The following DNAH11 variants were observed in gnomAD, a reference collection of about 807,000 sequenced individuals.
DNAH11 encodes dynein axonemal heavy chain 11.
DNAH11 carries 442 observed loss-of-function variants against 526.0 expected under a neutral mutation model. That is an observed-to-expected ratio of 0.84 (90% CI 0.78 to 0.91). DNAH11 has a LOEUF of 0.91. DNAH11 is among the 40% of genes least tolerant of loss of function. DNAH11 has a pLI of 0.00. For missense variants in DNAH11, 6,989 were observed against 5,448.7 expected (o/e 1.28, Z -8.90); for synonymous variants, 2,461 against 1,935.9 (o/e 1.27, Z -7.12).
At position 21,786,665 on chromosome 7, in the gene DNAH11, C is replaced by G. The variant is rs368831125; in HGVS notation, c.9639C>G (p.Ile3213Met). Residue 3213 changes from isoleucine (I) to methionine (M), a missense_variant, in exon 59 of 82, where the codon ATC (isoleucine) becomes ATG (methionine). Physicochemically the swap from Ile to Met is conservative, Grantham distance 10. Transcript: ENST00000409508. ...SELKAFPNPP[I>M]AVTNVTAAVM... ...TGAAAGCCTTTCCCAACCCTCCCAT[C>G]GCAGTTACCAATGTTACTGCAGCCG... 2 of 1,613,398 alleles carry G rather than the reference C, an allele frequency of 1.2e-6. No homozygotes were observed. Among genetic ancestry groups the G allele is most frequent in the South Asian group, 2.2e-5 (2 of 90,976 alleles).
rs762424155 is a variant in DNAH11, at chr7:21,789,337, C to G, written c.10021C>G (p.Leu3341Val). 1 of 1,564,332 alleles carries G rather than the reference C, an allele frequency of 6.4e-7. No homozygotes were observed. Among genetic ancestry groups the G allele is most frequent in the South Asian group, 1.2e-5 (1 of 84,416 alleles). ...TEKLEAIRKK[L>V]VDLDRNLSRL... Reference sequence around the variant, plus strand: ...AAAACTAGAGGCTATCAGGAAAAAGCTTGTGGTGAGTGCAAACTATGACAT... The same window carrying G: ...AAAACTAGAGGCTATCAGGAAAAAGGTTGTGGTGAGTGCAAACTATGACAT... Residue 3341 changes from leucine to valine, a missense_variant, in exon 61 of 82, where the codon CTT becomes GTT. Physicochemically the swap from Leu to Val is conservative, Grantham distance 32 (BLOSUM62 1). Coordinates refer to ENST00000409508, the MANE Select transcript of DNAH11 (RefSeq NM_001277115.2).
At chr7:21,852,405 TAAAA>T (rs55939718) in intron 66 of DNAH11, 58 bp from the exon 67 acceptor site, 151 of 1,242,638 alleles carry the variant, frequency 1.2e-4, no homozygotes, top group African/African-American at 8.1e-4. Context: ...AGACTTCCTC[TAAAA>T]AAAAAAAAAA....
At chr7:21,683,674 T>G in intron 31 of DNAH11, 110 bp from the exon 32 acceptor site, 1 of 1,232,824 alleles carries the variant, frequency 8.1e-7, no homozygotes, top group Non-Finnish European at 1.1e-6. Context: ...GCAAGAGATT[T>G]CCTATTTATG....
rs775896933 is a variant in DNAH11 at position 21,591,174 on chromosome 7, T to G, written c.2275-11T>G. ...TTTGGCACTTTTTGTTTTGGGGTTT[T>G]CTTTGCTCAGTACATTGGAAATCTT... On this transcript the variant is annotated splice_polypyrimidine_tract_variant and intron_variant, in intron 13 of 81. Coordinates refer to ENST00000409508, the MANE Select transcript of DNAH11 (RefSeq NM_001277115.2). 3 of 1,527,398 alleles carry G rather than the reference T, an allele frequency of 2.0e-6. No individual in the cohort carries two copies. Among genetic ancestry groups the G allele is most frequent in the Non-Finnish European group, 2.6e-6 (3 of 1,145,762 alleles). The allele number at this position is 1,527,398 out of a possible 1,614,324, so 94.6% of individuals were successfully genotyped here. A position where few individuals can be genotyped will look rare whatever the true frequency, so the allele number is the denominator to read the frequency against.
chr7:21,623,303 A>G (rs1018389074), intron 25 of DNAH11, among the ~76,000 whole-genome samples: 14 of 150,684 alleles, frequency 9.3e-5, no homozygotes, highest in Middle Eastern at 6.9e-3. Flanking sequence ...ATCATTAAAA[A>G]GTCAGGAAAC....
chr7:21,739,442 A>T (rs1013093977), intron 47 of DNAH11, 129 bp from the exon 48 acceptor site: 2 of 638,914 alleles, frequency 3.1e-6, no homozygotes, highest in South Asian at 4.6e-5. Flanking sequence ...AAGGCTCACT[A>T]GGTCAACCTC....
intron 30 of DNAH11, among the ~76,000 whole-genome samples, chr7:21,666,396 G>T (rs1001128663): frequency 2.0e-5 from 3 of 152,024 alleles, no homozygotes; most frequent in Non-Finnish European, 4.4e-5. Flanking sequence ...TTATTGAGCT[G>T]TGTGAAAATC....
chr7:21,640,379 C>G (rs1787069932), intron 28 of DNAH11, among the ~76,000 whole-genome samples: 1 of 152,120 alleles, frequency 6.6e-6, no homozygotes, highest in Admixed American at 6.5e-5. Flanking sequence ...ATGAGGGTAG[C>G]AGGTATTGTA....
At chr7:21,792,661 G>T (rs577266194) in intron 61 of DNAH11, among the ~76,000 whole-genome samples, 1 of 151,984 alleles carries the variant, frequency 6.6e-6, no homozygotes, top group African/African-American at 2.4e-5. Context: ...TTTCTTATAG[G>T]TTTTCCAATA....
At chr7:21,544,941 GAT>G (rs1380926448) in intron 1 of DNAH11, 63 bp from the exon 2 acceptor site, 1 of 1,365,424 alleles carries the variant, frequency 7.3e-7, no homozygotes, top group Non-Finnish European at 9.9e-7. Context: ...CTACAAGTTG[GAT>G]ATAGTAAATC....
chr7:21,591,586 T>C lies in DNAH11; in HGVS notation c.2667+9T>C, dbSNP rs999948794. The C allele has an allele frequency of 6.6e-7, 1 of 1,517,836 alleles. No individual in the cohort carries two copies. Among genetic ancestry groups the C allele is most frequent in the Non-Finnish European group, 8.8e-7 (1 of 1,133,194 alleles). The allele number at this position is 1,517,836 out of a possible 1,614,324, so 94.0% of individuals were successfully genotyped here. On this transcript the variant is annotated intron_variant, in intron 14 of 81. Transcript: ENST00000409508. The stretch of plus-strand genomic sequence containing the variant: ...TCCACAACTTGGTCGAGGTAATGGC[T>C]TTTAACCTTTCAAGATTTATAGATC...
rs745575598 is a variant in DNAH11, at chr7:21,616,253, T to C, written c.4056T>C (p.His1352=). The C allele has an allele frequency of 3.7e-6, 6 of 1,613,644 alleles. No homozygotes were observed. The highest frequency in any genetic ancestry group is 2.2e-5 in the South Asian group (2 of 91,016). ...NWTKTQWRQI[H]VEQMDVELRR... ...CTAAAACCCAGTGGAGACAGATTCA[T>C]GTGGAACAGATGGATGTAGAACTCA... The change falls in exon 22 of 82, where the codon CAT becomes CAC. Residue 1352 remains histidine, a synonymous_variant. Coordinates refer to ENST00000409508, the MANE Select transcript of DNAH11 (RefSeq NM_001277115.2).
intron 67 of DNAH11, 87 bp downstream of exon 67, chr7:21,852,718 T>A: frequency 2.8e-6 from 4 of 1,404,686 alleles, no homozygotes; most frequent in Non-Finnish European, 3.8e-6. Flanking sequence ...GACTTGGTAA[T>A]TCCTCTAAGA....
intron 43 of DNAH11, among the ~76,000 whole-genome samples, chr7:21,719,646 T>C (rs1784800916): frequency 6.6e-6 from 1 of 152,152 alleles, no homozygotes. Flanking sequence ...AATTGGCAAA[T>C]GTGGCACAAC....
At chr7:21,827,295 G>A in intron 65 of DNAH11, among the ~76,000 whole-genome samples, 1 of 152,078 alleles carries the variant, frequency 6.6e-6, no homozygotes, top group Non-Finnish European at 1.5e-5. Flanking sequence ...TATCTGGAAA[G>A]ATTTATCAAC....
chr7:21,674,644 T>C (rs1035162767), intron 30 of DNAH11, among the ~76,000 whole-genome samples: 1 of 152,112 alleles, frequency 6.6e-6, no homozygotes, highest in Non-Finnish European at 1.5e-5. Context: ...CCTTCCCTTT[T>C]CTTTTCCTCT....
At chr7:21,654,008 A>G (rs1781899413) in intron 28 of DNAH11, among the ~76,000 whole-genome samples, 1 of 152,218 alleles carries the variant, frequency 6.6e-6, no homozygotes, top group African/African-American at 2.4e-5. Context: ...TTGTTACAGC[A>G]GTGGCGCCTG....
At chr7:21,590,793 A>T in intron 12 of DNAH11, 125 bp from the exon 13 acceptor site, 2 of 592,688 alleles carry the variant, frequency 3.4e-6, no homozygotes, top group African/African-American at 1.9e-5. Context: ...ACAAAAGTCT[A>T]TTTACCTTGA....
intron 57 of DNAH11, among the ~76,000 whole-genome samples, chr7:21,781,805 T>C (rs980102829): frequency 1.3e-5 from 2 of 152,172 alleles, no homozygotes; most frequent in Non-Finnish European, 2.9e-5. Flanking sequence ...AGTAGAAGTT[T>C]ATTTTCTCCA....
Sources: gnomAD v4.1 joint callset for allele counts (sites outside exome capture counted in the v4.1 genomes callset) on GRCh38, gnomAD v4.1.1 for gene constraint, MANE v1.5 for transcripts, NCBI Gene and HGNC (gene_info 2026-07-23, HGNC 2026-07-21) for gene names.